Variants in NEDD4L observed in about 807,000 individuals in gnomAD.
The protein encoded by NEDD4L is NEDD4 like E3 ubiquitin protein ligase.
In NEDD4L, 54 loss-of-function variants were observed where a neutral mutation model predicts 148.9. The observed-to-expected ratio is 0.36, with a 90% confidence interval of 0.29 to 0.45. NEDD4L has a LOEUF of 0.45. Ranked by LOEUF, NEDD4L falls within the 20% of genes least tolerant of loss-of-function variation. The probability of loss-of-function intolerance (pLI) is 1.00; values close to 1 mark genes in which losing one functional copy is unlikely to be tolerated. For missense variants in NEDD4L, 856 were observed against 1,233.8 expected, an observed-to-expected ratio of 0.69 and a Z score of 4.59; for synonymous variants, 433 against 440.7, an observed-to-expected ratio of 0.98 and a Z score of 0.22.
intron 16 of NEDD4L, among the ~76,000 whole-genome samples, chr18:58,346,106 C>T (rs569156845): frequency 2.0e-5 from 3 of 152,234 alleles, no homozygotes; most frequent in Admixed American, 6.5e-5. Flanking sequence ...CTTTGTTCCC[C>T]GCCTGGGTCA....
chr18:58,382,253 G>A (rs1055772695), intron 24 of NEDD4L, among the ~76,000 whole-genome samples: 10 of 152,208 alleles, frequency 6.6e-5, no homozygotes, highest in African/African-American at 2.4e-4. Flanking sequence ...CTGGGTGCAG[G>A]TGGCAGGACC....
Position 58,389,522 on chromosome 18 carries a change from G to T in NEDD4L, c.2655+330G>T, listed in dbSNP as rs2049512325. 2.4e-5 allele frequency: 5 copies of T among 211,196 alleles called. No homozygotes were observed. The East Asian group carries it at 5.1e-4, about 21-fold the overall frequency. 13.1% of individuals were successfully genotyped at this position (211,196 alleles called of 1,614,324 possible). ...TGGGGGGCTTCTCAGGGCAGAAACA[G>T]GCTTCAGGGATGGCTTTGCAAGATG... is the stretch of plus-strand genomic sequence containing the variant. On this transcript the variant is annotated intron_variant, in intron 28 of 30. Coordinates refer to ENST00000400345, the MANE Select transcript of NEDD4L (RefSeq NM_001144967.3).
chr18:58,352,522 G>T (rs2044033734), intron 18 of NEDD4L, among the ~76,000 whole-genome samples: 1 of 152,098 alleles, frequency 6.6e-6, no homozygotes, highest in Non-Finnish European at 1.5e-5. Flanking sequence ...AGCTGGGTGT[G>T]GTGGCGTGCA....
At chr18:58,251,527 CTG>C (rs1474790574) in intron 4 of NEDD4L, among the ~76,000 whole-genome samples, 1 of 151,602 alleles carries the variant, frequency 6.6e-6, no homozygotes, top group South Asian at 2.1e-4. Flanking sequence ...GTCTGTCTGT[CTG>C]TGTGTTTGTG....
chr18:58,183,146 C>G (rs1390387118), intron 2 of NEDD4L, among the ~76,000 whole-genome samples: 1 of 152,234 alleles, frequency 6.6e-6, no homozygotes, highest in Admixed American at 6.5e-5. Flanking sequence ...TGAGGGTTGC[C>G]ACATGGAGGT....
intron 2 of NEDD4L, among the ~76,000 whole-genome samples, chr18:58,241,592 G>A (rs2046644360): frequency 6.7e-6 from 1 of 150,338 alleles, no homozygotes; most frequent in Non-Finnish European, 1.5e-5. Flanking sequence ...TCTGGGGTGG[G>A]GCCAGGTACC....
At chr18:58,196,710 CTTTTTTTTT>C (rs544883000) in intron 2 of NEDD4L, among the ~76,000 whole-genome samples, 6 of 114,446 alleles carry the variant, frequency 5.2e-5, no homozygotes, top group Admixed American at 1.0e-4. Context: ...CTCTCTCTCT[CTTTTTTTTT>C]TTTTTTTTTT....
intron 13 of NEDD4L, 134 bp from the exon 14 acceptor site, chr18:58,340,904 T>C (rs1051231058): frequency 4.6e-6 from 4 of 862,306 alleles, no homozygotes; most frequent in Non-Finnish European, 7.0e-6. Context: ...CAGACACTTG[T>C]AAGTGTTTTC....
At chr18:58,180,003 G>A (rs1043548813) in intron 2 of NEDD4L, among the ~76,000 whole-genome samples, 2 of 152,066 alleles carry the variant, frequency 1.3e-5, no homozygotes, top group East Asian at 3.9e-4. Context: ...TTGGTGTAGA[G>A]GACTCCTCAA....
chr18:58,235,967 A>G (rs1324607428), intron 2 of NEDD4L, among the ~76,000 whole-genome samples: 1 of 152,146 alleles, frequency 6.6e-6, no homozygotes, highest in South Asian at 2.1e-4. Context: ...TGGGAGGCGG[A>G]GGCTGCAGTG....
chr18:58,384,405 C>G (rs918284433), intron 25 of NEDD4L, among the ~76,000 whole-genome samples: 1 of 152,220 alleles, frequency 6.6e-6, no homozygotes, highest in Non-Finnish European at 1.5e-5. Context: ...AATTGGCACT[C>G]TCGTTCTGAA....
At chr18:58,325,548 G>A (rs540666723) in intron 9 of NEDD4L, among the ~76,000 whole-genome samples, 17 of 152,268 alleles carry the variant, frequency 1.1e-4, no homozygotes, top group South Asian at 4.1e-4. Flanking sequence ...AATTGGCTTT[G>A]CAATTTTCTG....
At chr18:58,385,473 T>C in intron 25 of NEDD4L, 53 bp from the exon 26 acceptor site, 1 of 1,409,528 alleles carries the variant, frequency 7.1e-7, no homozygotes, top group South Asian at 1.1e-5. Flanking sequence ...GAGAAAGCAG[T>C]GAGCACTAGT....
intron 10 of NEDD4L, 50 bp from the exon 11 acceptor site, chr18:58,330,688 G>A (rs2144693466): frequency 2.2e-6 from 3 of 1,386,260 alleles, no homozygotes; most frequent in Admixed American, 2.8e-5. Context: ...GGAGCTGGGT[G>A]GATCCCTACT....
Position 58,049,550 on chromosome 18 carries a change from G to T in NEDD4L, c.48+4842G>T, listed in dbSNP as rs200601292. Among the ~76,000 whole-genome samples the T allele has an allele frequency of 4.6e-5, 7 of 152,348 alleles. No homozygotes were observed. In the East Asian group the frequency reaches 1.3e-3, roughly 29 times the overall value. On this transcript the variant is annotated intron_variant, in intron 1 of 30. Transcript: ENST00000400345. ...AGTCCAAGTGCCTGTGTCGGGCCTA[G>T]ATGCTGGATGGTAGACTGTATACCC...
At chr18:58,163,496 C>T (rs148134373) in intron 1 of NEDD4L, among the ~76,000 whole-genome samples, 4 of 152,296 alleles carry the variant, frequency 2.6e-5, no homozygotes, top group East Asian at 1.9e-4. Context: ...CACTTTGGGA[C>T]GCCCTTTGCT....
chr18:58,298,574 T>C, intron 5 of NEDD4L, among the ~76,000 whole-genome samples: 1 of 152,226 alleles, frequency 6.6e-6, no homozygotes. Context: ...GTTTAGAACA[T>C]TGCTTTAAAG....
chr18:58,059,395 C>G (rs966490073), intron 1 of NEDD4L, among the ~76,000 whole-genome samples: 11 of 152,180 alleles, frequency 7.2e-5, no homozygotes, highest in African/African-American at 2.7e-4. Flanking sequence ...ACCATATTTC[C>G]CCCCCAGAGG....
At chr18:58,123,166 G>A (rs1374711464) in intron 1 of NEDD4L, among the ~76,000 whole-genome samples, 6 of 152,092 alleles carry the variant, frequency 3.9e-5, no homozygotes, top group Middle Eastern at 3.4e-3. Flanking sequence ...AGCCTGGCTG[G>A]CCCTTGAAGA....
Sources: gnomAD v4.1 joint callset for allele counts (sites outside exome capture counted in the v4.1 genomes callset) on GRCh38, gnomAD v4.1.1 for gene constraint, MANE v1.5 for transcripts, NCBI Gene and HGNC (gene_info 2026-07-23, HGNC 2026-07-21) for gene names.